Variants in RAB21 observed in about 807,000 individuals in gnomAD.
The protein encoded by RAB21 is RAB21, member RAS oncogene family.
In RAB21, 13 loss-of-function variants were observed where a neutral mutation model predicts 33.1. That is an observed-to-expected ratio of 0.39 (90% CI 0.26 to 0.62). The LOEUF (loss-of-function observed/expected upper bound fraction) is 0.62. Ranked by LOEUF, RAB21 falls within the 20% of genes least tolerant of loss-of-function variation. The probability of loss-of-function intolerance (pLI) is 0.48; values close to 1 mark genes in which losing one functional copy is unlikely to be tolerated. For synonymous variants in RAB21, 91 were observed against 103.7 expected (o/e 0.88, Z 0.74); for missense variants, 234 against 279.1 (o/e 0.84, Z 1.15).
chr12:71,765,019 C>T (rs935445374), intron 1 of RAB21, among the ~76,000 whole-genome samples: 4 of 152,108 alleles, frequency 2.6e-5, no homozygotes, highest in African/African-American at 7.2e-5. Context: ...GCTTTTAGTT[C>T]TGTAAGTAAT....
chr12:71,768,424 A>G (rs948077947), intron 1 of RAB21, among the ~76,000 whole-genome samples: 1 of 152,126 alleles, frequency 6.6e-6, no homozygotes, highest in Non-Finnish European at 1.5e-5. Flanking sequence ...ATCTCTATAC[A>G]GGTCTGAACT....
chr12:71,770,161 G>A (rs1265533774), intron 2 of RAB21, among the ~76,000 whole-genome samples: 1 of 152,078 alleles, frequency 6.6e-6, no homozygotes, highest in Non-Finnish European at 1.5e-5. Flanking sequence ...TAAGAGAATG[G>A]CTGGTGGGTG....
At position 71,785,536 on chromosome 12, in the gene RAB21, A is replaced by G. The variant is rs769032358; in HGVS notation, c.541A>G (p.Ile181Val). The part of the protein sequence containing the change: ...ELFLDLCKRM[I>V]ETAQVDERAK... Reference sequence around the variant, plus strand: ...TTGCTTTCTCTCTGTCTTAGGGATGATAGAAACAGCACAAGTGGATGAGAG... The same window carrying G: ...TTGCTTTCTCTCTGTCTTAGGGATGGTAGAAACAGCACAAGTGGATGAGAG... Residue 181 changes from isoleucine (I) to valine (V), a missense_variant, in exon 7 of 7, where the codon ATA (isoleucine) becomes GTA (valine). By Grantham distance (29) the Ile-to-Val change is conservative. Transcript: ENST00000261263. 3 of 1,613,858 alleles carry G rather than the reference A, an allele frequency of 1.9e-6. No homozygotes were observed. In the African/African-American group the frequency reaches 4.0e-5, roughly 22 times the overall value.
Position 71,755,197 on chromosome 12 carries a change from T to A in RAB21, c.68T>A (p.Val23Glu). The change falls in exon 1 of 7, where the codon GTG becomes GAG. Residue 23 changes from valine to glutamate, a missense_variant. Transcript: ENST00000261263. Reference sequence around the variant, plus strand: ...GGCCGAGCCTACTCGTTCAAGGTGGTGCTGCTGGGGGAAGGCTGCGTGGGG... The same window carrying A: ...GGCCGAGCCTACTCGTTCAAGGTGGAGCTGCTGGGGGAAGGCTGCGTGGGG... ...AAGRAYSFKV[V>E]LLGEGCVGKT... 1 of 1,527,460 alleles carries A rather than the reference T, an allele frequency of 6.5e-7. No individual in the cohort carries two copies. The highest frequency in any genetic ancestry group is 2.8e-5 in the East Asian group (1 of 35,964). 94.6% of individuals were successfully genotyped at this position (1,527,460 alleles called of 1,614,324 possible). A position where few individuals can be genotyped will look rare whatever the true frequency, so the allele number is the denominator to read the frequency against.
chr12:71,784,765 G>A (rs1371594718), intron 6 of RAB21, among the ~76,000 whole-genome samples: 1 of 151,888 alleles, frequency 6.6e-6, no homozygotes, highest in Non-Finnish European at 1.5e-5. Context: ...TGTGTTCTTC[G>A]AAGTTCCCTC....
intron 6 of RAB21, among the ~76,000 whole-genome samples, chr12:71,785,133 T>C (rs1271284109): frequency 6.6e-6 from 1 of 152,146 alleles, no homozygotes; most frequent in Non-Finnish European, 1.5e-5. Flanking sequence ...TACTTAAAAG[T>C]ATTACATTTC....
At chr12:71,780,947 A>G (rs147787654) in intron 4 of RAB21, among the ~76,000 whole-genome samples, 1 of 152,256 alleles carries the variant, frequency 6.6e-6, no homozygotes, top group Non-Finnish European at 1.5e-5. Flanking sequence ...CCTTATCGTT[A>G]TCTACTGTTT....
At chr12:71,757,786 G>A (rs757767051) in intron 1 of RAB21, among the ~76,000 whole-genome samples, 1 of 152,196 alleles carries the variant, frequency 6.6e-6, no homozygotes, top group East Asian at 1.9e-4. Context: ...CTTTTTTCTC[G>A]TCAACAGAGT....
intron 1 of RAB21, among the ~76,000 whole-genome samples, chr12:71,755,521 T>G (rs2137634931): frequency 6.6e-6 from 1 of 152,280 alleles, no homozygotes; most frequent in South Asian, 2.1e-4. Flanking sequence ...AAGTCCCCAG[T>G]GTTCCCCGTG....
chr12:71,782,551 G>C lies in RAB21; in HGVS notation c.447-19G>C, dbSNP rs377515923. 6.6e-7 allele frequency: 1 copy of C among 1,505,364 alleles called. No homozygotes were observed. Among genetic ancestry groups the C allele is most frequent in the Non-Finnish European group, 9.1e-7 (1 of 1,098,750 alleles). The allele number at this position is 1,505,364 out of a possible 1,614,324, so 93.3% of individuals were successfully genotyped here. A position where few individuals can be genotyped will look rare whatever the true frequency, so the allele number is the denominator to read the frequency against. ...TGAATAATATTTTACATCAATCACC[G>C]ATGTTACTTTTTTTTAAGGTATGCA... On this transcript the variant is annotated intron_variant, in intron 5 of 6. Transcript: ENST00000261263.
intron 1 of RAB21, among the ~76,000 whole-genome samples, chr12:71,767,535 A>G (rs555472379): frequency 2.0e-4 from 31 of 152,112 alleles, no homozygotes; most frequent in African/African-American, 7.5e-4. Context: ...TAACCAGGGA[A>G]GCTTTGGGAA....
rs1217558377 is a variant in RAB21 at position 71,786,553 on chromosome 12, C to T, written c.*880C>T. The T allele has an allele frequency of 6.6e-6, 1 of 152,538 alleles. No individual in the cohort carries two copies. The highest frequency in any genetic ancestry group is 2.1e-4 in the South Asian group (1 of 4,828). 9.4% of individuals were successfully genotyped at this position (152,538 alleles called of 1,614,324 possible). On this transcript the variant is annotated 3_prime_UTR_variant, in exon 7 of 7. Coordinates refer to ENST00000261263, the MANE Select transcript of RAB21 (RefSeq NM_014999.4). ...AGCTGGTAAAATACATTGTAAATTACATATTAAATATTTTATCTGCTTTTA... is the reference window on the plus strand; with the variant it reads ...AGCTGGTAAAATACATTGTAAATTATATATTAAATATTTTATCTGCTTTTA...
intron 1 of RAB21, among the ~76,000 whole-genome samples, chr12:71,759,433 C>T (rs1201293104): frequency 6.6e-6 from 1 of 152,210 alleles, no homozygotes; most frequent in African/African-American, 2.4e-5. Flanking sequence ...TTACTGTAGT[C>T]CAGTGATACA....
chr12:71,774,198 G>T (rs1166456413), intron 4 of RAB21, 176 bp downstream of exon 4: 6 of 347,676 alleles, frequency 1.7e-5, no homozygotes, highest in Non-Finnish European at 2.5e-5. Context: ...TGTAATTCCA[G>T]CGCCTTGGGA....
chr12:71,759,776 T>C (rs914123679), intron 1 of RAB21, among the ~76,000 whole-genome samples: 3 of 152,224 alleles, frequency 2.0e-5, no homozygotes, highest in Admixed American at 6.5e-5. Context: ...CTCAAATCTA[T>C]TAGGAGGCCA....
chr12:71,764,157 G>GCCC (rs1156671122), intron 1 of RAB21, among the ~76,000 whole-genome samples: 13 of 152,178 alleles, frequency 8.5e-5, no homozygotes, highest in African/African-American at 2.7e-4. Flanking sequence ...GTTCTTTACT[G>GCCC]AGATGTTGCC....
chr12:71,767,487 TG>T (rs1372559809), intron 1 of RAB21, among the ~76,000 whole-genome samples: 1 of 152,086 alleles, frequency 6.6e-6, no homozygotes, highest in East Asian at 1.9e-4. Context: ...GTTGTTGTTG[TG>T]GGGTTTTTTT....
At chr12:71,774,210 G>C (rs1883084799) in intron 4 of RAB21, 188 bp downstream of exon 4, 1 of 312,650 alleles carries the variant, frequency 3.2e-6, no homozygotes, top group South Asian at 5.8e-5. Context: ...GCCTTGGGAG[G>C]CCAAAGTGGG....
At position 71,788,864 on chromosome 12, in the gene RAB21, T is replaced by G. The variant is rs1883336062; in HGVS notation, c.*3191T>G. 6.6e-6 allele frequency: 1 copy of G among 152,174 alleles called. No individual in the cohort carries two copies. Among genetic ancestry groups the G allele is most frequent in the Non-Finnish European group, 1.5e-5 (1 of 68,004 alleles). The allele number at this position is 152,174 out of a possible 1,614,324, so 9.4% of individuals were successfully genotyped here. A position where few individuals can be genotyped will look rare whatever the true frequency, so the allele number is the denominator to read the frequency against. ...TTGTTTTTGAAAATGTATATTGCCA[T>G]GCTTTTGGGGTAAGCAGTAATGTGA... On this transcript the variant is annotated 3_prime_UTR_variant, in exon 7 of 7. Transcript: ENST00000261263.
Sources: allele counts gnomAD v4.1 joint callset (sites outside exome capture counted in the v4.1 genomes callset), GRCh38; gene constraint gnomAD v4.1.1; transcripts MANE v1.5; gene names NCBI Gene and HGNC (gene_info 2026-07-23, HGNC 2026-07-21).